Variants in CSMD1 observed in about 807,000 individuals in gnomAD.
The protein encoded by CSMD1 is CUB and sushi domain-containing protein 1.
CSMD1 carries 213 observed loss-of-function variants against 417.5 expected under a neutral mutation model. The ratio of observed to expected loss-of-function variants is 0.51; its 90% CI spans 0.46 to 0.57. The LOEUF (loss-of-function observed/expected upper bound fraction) is 0.57. CSMD1 is among the 20% of genes least tolerant of loss of function. The probability of loss-of-function intolerance (pLI) is 0.00; values close to 1 mark genes in which losing one functional copy is unlikely to be tolerated. For synonymous variants in CSMD1, 2,862 were observed against 1,736.8 expected (o/e 1.65, Z -16.11); for missense variants, 6,923 against 4,529.7 (o/e 1.53, Z -15.17).
chr8:4,323,838 C>T (rs150254911), intron 3 of CSMD1, among the ~76,000 whole-genome samples: 156 of 152,234 alleles, frequency 1.0e-3, no homozygotes, highest in African/African-American at 3.6e-3. Flanking sequence ...CCTCCAGGTG[C>T]CTTGTACTGA....
intron 3 of CSMD1, among the ~76,000 whole-genome samples, chr8:4,172,536 T>C (rs915257326): frequency 6.6e-6 from 1 of 152,096 alleles, no homozygotes; most frequent in African/African-American, 2.4e-5. Context: ...TATTTCTGCT[T>C]TGCTTGCAGT....
At chr8:3,396,063 T>A (rs1020330803) in intron 17 of CSMD1, 131 bp downstream of exon 17, 4 of 720,988 alleles carry the variant, frequency 5.5e-6, no homozygotes, top group Non-Finnish European at 9.1e-6. Context: ...AATTGCATAG[T>A]ATGGTTTTGC....
At chr8:4,622,709 C>A (rs1042740943) in intron 2 of CSMD1, among the ~76,000 whole-genome samples, 1 of 152,074 alleles carries the variant, frequency 6.6e-6, no homozygotes, top group East Asian at 1.9e-4. Context: ...TCATTACATC[C>A]CACCTGTGCC....
At chr8:4,011,415 C>G (rs900652729) in intron 4 of CSMD1, among the ~76,000 whole-genome samples, 2 of 152,174 alleles carry the variant, frequency 1.3e-5, no homozygotes, top group Admixed American at 6.5e-5. Context: ...GCCTTACTTT[C>G]TGAAATTCCT....
chr8:3,301,765 A>G lies in CSMD1; in HGVS notation c.3950+5930T>C, dbSNP rs371064646. ...CTGGGTAAGGAGCTGGTGCTTGTCA[A>G]CGTACAGTGAGGGTATTTGAGAGAT... is the stretch of plus-strand genomic sequence containing the variant. On this transcript the variant is annotated intron_variant, in intron 25 of 69. Coordinates refer to ENST00000635120, the MANE Select transcript of CSMD1 (RefSeq NM_033225.6). 4.6e-5 allele frequency among the ~76,000 whole-genome samples: 7 copies of G among 152,162 alleles called. No individual in the cohort carries two copies. In the East Asian group the frequency reaches 7.7e-4, roughly 17 times the overall value.
chr8:4,154,704 A>AGTTTTT (rs1796741266), intron 3 of CSMD1, among the ~76,000 whole-genome samples: 1 of 152,214 alleles, frequency 6.6e-6, no homozygotes, highest in Admixed American at 6.5e-5. Context: ...CGTACAAGGA[A>AGTTTTT]AAAGAGATCA....
chr8:3,149,955 G>T (rs2129035118), intron 40 of CSMD1, among the ~76,000 whole-genome samples: 1 of 152,296 alleles, frequency 6.6e-6, no homozygotes. Context: ...CGCTAGTGCT[G>T]TGTAAACTAT....
rs567657859 is a variant in CSMD1 at position 4,204,017 on chromosome 8, C to T, written c.416-171918G>A. Among the ~76,000 whole-genome samples the T allele has an allele frequency of 4.6e-5, 7 of 152,274 alleles. No individual in the cohort carries two copies. The South Asian group carries it at 1.5e-3, about 32-fold the overall frequency. On this transcript the variant is annotated intron_variant, in intron 3 of 69. Transcript: ENST00000635120. ...TCGGAAGACTGAGGCATCAGAATCA[C>T]TTGAGCCCAGTGGGCAGAAGTTGCG... is the stretch of plus-strand genomic sequence containing the variant.
At chr8:3,455,679 T>A (rs1042603772) in intron 12 of CSMD1, among the ~76,000 whole-genome samples, 1 of 152,194 alleles carries the variant, frequency 6.6e-6, no homozygotes, top group South Asian at 2.1e-4. Context: ...GGAAATTTTG[T>A]CTCAGAGGAG....
At chr8:3,089,158 T>A (rs980143241) in intron 48 of CSMD1, among the ~76,000 whole-genome samples, 1 of 152,134 alleles carries the variant, frequency 6.6e-6, no homozygotes, top group Non-Finnish European at 1.5e-5. Context: ...GGAAGAGGAA[T>A]TCAGAGGAGC....
rs149686211 is a variant in CSMD1, at chr8:3,453,697, A to T, written c.1561+15015T>A. On this transcript the variant is annotated intron_variant, in intron 12 of 69. Transcript: ENST00000635120. ...AGAGACAGTTTGTTATAATTTCTGT[A>T]CTTTTACATTTGCTGAGGAGAGCTT... Among the ~76,000 whole-genome samples the T allele has an allele frequency of 8.9e-3, 1,350 of 152,134 alleles. 4 individuals carry two copies. Among genetic ancestry groups the T allele is most frequent in the Non-Finnish European group, 0.015 (1,032 of 67,962 alleles).
At chr8:4,470,163 C>G (rs1312766028) in intron 2 of CSMD1, among the ~76,000 whole-genome samples, 3 of 152,096 alleles carry the variant, frequency 2.0e-5, no homozygotes, top group Non-Finnish European at 4.4e-5. Context: ...CTTTGGTTTT[C>G]ATAACCTCAT....
chr8:4,561,951 C>G (rs959967505), intron 2 of CSMD1, among the ~76,000 whole-genome samples: 5 of 152,106 alleles, frequency 3.3e-5, no homozygotes, highest in African/African-American at 1.2e-4. Context: ...CACTGCCAGC[C>G]CCTCACAACG....
In CSMD1 at chr8:3,575,908, T is replaced by A. The variant is rs373413493; in HGVS notation, c.1223-842A>T. Among the ~76,000 whole-genome samples the A allele has an allele frequency of 2.6e-5, 4 of 152,158 alleles. No homozygotes were observed. The East Asian group carries it at 7.7e-4, about 29-fold the overall frequency. On this transcript the variant is annotated intron_variant, in intron 9 of 69. Transcript: ENST00000635120. ...ATAATGTCAGCAGAGACTCTGGTTT[T>A]AACATTCATAATTTAAACTGGGTTT...
At chr8:4,295,218 ATAAT>A (rs1797600366) in intron 3 of CSMD1, among the ~76,000 whole-genome samples, 2 of 67,780 alleles carry the variant, frequency 3.0e-5, no homozygotes, top group Non-Finnish European at 6.3e-5. Flanking sequence ...GATTTTCTAT[ATAAT>A]CTTAAGATTA....
At chr8:3,274,847 A>T (rs1234868097) in intron 26 of CSMD1, among the ~76,000 whole-genome samples, 1 of 152,002 alleles carries the variant, frequency 6.6e-6, no homozygotes, top group African/African-American at 2.4e-5. Flanking sequence ...GTGTTTCCTG[A>T]ATAGTGCACA....
intron 6 of CSMD1, among the ~76,000 whole-genome samples, chr8:3,737,988 G>A (rs1156823481): frequency 6.6e-6 from 1 of 152,148 alleles, no homozygotes; most frequent in Non-Finnish European, 1.5e-5. Context: ...AATTGCAGAA[G>A]AATGCAGTGA....
intron 2 of CSMD1, among the ~76,000 whole-genome samples, chr8:4,461,125 T>C (rs1267397881): frequency 6.7e-6 from 1 of 148,958 alleles, no homozygotes; most frequent in Admixed American, 6.7e-5. Context: ...TCTAACACTG[T>C]GCCATAACAA....
At chr8:4,032,987 T>C (rs1797428311) in intron 3 of CSMD1, among the ~76,000 whole-genome samples, 1 of 152,074 alleles carries the variant, frequency 6.6e-6, no homozygotes, top group Admixed American at 6.6e-5. Flanking sequence ...GACAATCTGT[T>C]TGCGGAAGCC....
Sources: gnomAD v4.1 joint callset for allele counts (sites outside exome capture counted in the v4.1 genomes callset) on GRCh38, gnomAD v4.1.1 for gene constraint, MANE v1.5 for transcripts, NCBI Gene and HGNC (gene_info 2026-07-23, HGNC 2026-07-21) for gene names.